SPSB4: variants seen among roughly 807,000 people sequenced by gnomAD.
SPSB4 encodes splA/ryanodine receptor domain and SOCS box containing 4.
A neutral mutation model predicts 20.9 loss-of-function variants in SPSB4; 21 were observed. That is an observed-to-expected ratio of 1.01 (90% CI 0.71 to 1.45). The LOEUF is 1.45. SPSB4 is among the 40% of genes most tolerant of loss of function. The pLI, the probability that SPSB4 is intolerant of heterozygous loss-of-function variation, is 0.00. For missense variants in SPSB4, 399 were observed against 399.2 expected (o/e 1.00, Z 0.00); for synonymous variants, 207 against 183.8 (o/e 1.13, Z -1.02).
At position 141,126,461 on chromosome 3, in the gene SPSB4, G is replaced by A. The variant is rs151079592; in HGVS notation, c.695-20681G>A. Among the ~76,000 whole-genome samples the A allele has an allele frequency of 9.8e-3, 1,488 of 152,182 alleles. 30 individuals are homozygous for A. The highest frequency in any genetic ancestry group is 0.034 in the African/African-American group (1,427 of 41,506). ...CACAGAGATCAAGGCTCCTGGATCC[G>A]AGTCCAGTCCTCTGTTTTTCTCCCA... is the stretch of plus-strand genomic sequence containing the variant. On this transcript the variant is annotated intron_variant, in intron 2 of 2. Transcript: ENST00000310546.
At chr3:141,117,094 C>T (rs1175332791) in intron 2 of SPSB4, 1 of 152,328 alleles carries the variant, frequency 6.6e-6, no homozygotes, top group Non-Finnish European at 1.5e-5. Context: ...GCTCCCTACA[C>T]CAGCCGCCTA....
At chr3:141,083,385 GC>G (rs1938277971) in intron 2 of SPSB4, among the ~76,000 whole-genome samples, 1 of 152,256 alleles carries the variant, frequency 6.6e-6, no homozygotes, top group Admixed American at 6.5e-5. Flanking sequence ...CCTGGATGGT[GC>G]CCCTTATGGT....
intron 2 of SPSB4, among the ~76,000 whole-genome samples, chr3:141,068,102 A>G (rs1325265820): frequency 6.6e-6 from 1 of 152,220 alleles, no homozygotes. Context: ...ATTTTACTCA[A>G]GCAAAATTTA....
At chr3:141,078,452 G>A (rs1488100080) in intron 2 of SPSB4, among the ~76,000 whole-genome samples, 1 of 152,198 alleles carries the variant, frequency 6.6e-6, no homozygotes, top group Non-Finnish European at 1.5e-5. Context: ...GAGCCACAAT[G>A]CTCCAGATTC....
Position 141,088,580 on chromosome 3 carries a change from C to T in SPSB4, c.694+21782C>T, listed in dbSNP as rs113182579. ...CCACTCAGCCGGATGCAGGCAGCAC[C>T]GGGATGTGCAGGGGAGTTAACACCC... On this transcript the variant is annotated intron_variant, in intron 2 of 2. Coordinates refer to ENST00000310546, the MANE Select transcript of SPSB4 (RefSeq NM_080862.3). Among the ~76,000 whole-genome samples the T allele has an allele frequency of 6.7e-4, 102 of 152,280 alleles. 1 individual carries two copies. Among genetic ancestry groups the T allele is most frequent in the Non-Finnish European group, 4.6e-4 (31 of 68,020 alleles).
intron 2 of SPSB4, among the ~76,000 whole-genome samples, chr3:141,082,253 G>T (rs952736650): frequency 2.6e-5 from 4 of 152,232 alleles, no homozygotes; most frequent in Non-Finnish European, 4.4e-5. Context: ...CCAGAGCTGG[G>T]CTTTGCCAGG....
At chr3:141,066,887 G>A in intron 2 of SPSB4, 89 bp downstream of exon 2, 1 of 1,322,738 alleles carries the variant, frequency 7.6e-7, no homozygotes, top group Non-Finnish European at 1.0e-6. Context: ...CGCCACTTGG[G>A]AGGATCCTGC....
chr3:141,139,704 A>C (rs1367042101), intron 2 of SPSB4, among the ~76,000 whole-genome samples: 2 of 152,220 alleles, frequency 1.3e-5, no homozygotes, highest in Non-Finnish European at 2.9e-5. Context: ...CCGAGAGATC[A>C]GCTGTTAGTC....
intron 2 of SPSB4, among the ~76,000 whole-genome samples, chr3:141,075,890 TACAAA>T (rs1238086774): frequency 1.6e-4 from 3 of 18,334 alleles, no homozygotes; most frequent in African/African-American, 7.7e-4. Context: ...CTACTAAAAA[TACAAA>T]AAAAAAAAAA....
chr3:141,135,269 A>T (rs1939207004), intron 2 of SPSB4, among the ~76,000 whole-genome samples: 1 of 151,852 alleles, frequency 6.6e-6, no homozygotes, highest in South Asian at 2.1e-4. Context: ...GTGGCATTGC[A>T]TTGTATTAAT....
chr3:141,092,539 G>A (rs1350249140), intron 2 of SPSB4, among the ~76,000 whole-genome samples: 1 of 152,216 alleles, frequency 6.6e-6, no homozygotes, highest in Non-Finnish European at 1.5e-5. Context: ...TTGAGGCTGG[G>A]ATGGAACTGG....
chr3:141,144,296 A>G (rs1159857309), intron 2 of SPSB4, among the ~76,000 whole-genome samples: 1 of 152,200 alleles, frequency 6.6e-6, no homozygotes, highest in Admixed American at 6.5e-5. Flanking sequence ...GCACTTTTAC[A>G]TATGTTTATT....
intron 2 of SPSB4, among the ~76,000 whole-genome samples, chr3:141,097,796 A>C (rs1034842316): frequency 2.0e-5 from 3 of 152,188 alleles, no homozygotes; most frequent in Non-Finnish European, 4.4e-5. Flanking sequence ...TGGCAGATTG[A>C]TAATATTTAA....
intron 2 of SPSB4, among the ~76,000 whole-genome samples, chr3:141,129,395 G>A (rs1939100104): frequency 6.6e-6 from 1 of 152,196 alleles, no homozygotes; most frequent in Non-Finnish European, 1.5e-5. Context: ...TTTGCTCCTT[G>A]GAGCTTGGGG....
At chr3:141,070,940 G>T (rs1559840661) in intron 2 of SPSB4, among the ~76,000 whole-genome samples, 1 of 152,190 alleles carries the variant, frequency 6.6e-6, no homozygotes, top group South Asian at 2.1e-4. Flanking sequence ...TGCAGCCCAG[G>T]GCCAGGTCCT....
At chr3:141,120,525 A>G (rs1938950833) in intron 2 of SPSB4, among the ~76,000 whole-genome samples, 1 of 145,278 alleles carries the variant, frequency 6.9e-6, no homozygotes, top group African/African-American at 2.9e-5. Flanking sequence ...AAAGTCTCCC[A>G]TTATTATTGT....
chr3:141,066,155 G>A lies in SPSB4; in HGVS notation c.51G>A (p.Pro17=), dbSNP rs1209973091. The A allele has an allele frequency of 1.3e-6, 2 of 1,532,178 alleles. No individual in the cohort carries two copies. The highest frequency in any genetic ancestry group is 8.8e-7 in the Non-Finnish European group (1 of 1,142,020). 94.9% of individuals were successfully genotyped at this position (1,532,178 alleles called of 1,614,324 possible). Residue 17 remains proline (P), a synonymous_variant, in exon 2 of 3, where the codon CCG becomes CCA. Coordinates refer to ENST00000310546, the MANE Select transcript of SPSB4 (RefSeq NM_080862.3). ...TCAAGTCAGTGGAGGTGCGAGAGCC[G>A]GCGCTGCGGCCGGCCAAGCGGGAGC... ...GSLKSVEVRE[P]ALRPAKRELR... is the part of the protein sequence containing the mutation.
intron 2 of SPSB4, among the ~76,000 whole-genome samples, chr3:141,082,204 C>G (rs998983926): frequency 5.3e-5 from 8 of 152,134 alleles, no homozygotes; most frequent in Non-Finnish European, 1.2e-4. Flanking sequence ...CATCGTGAGC[C>G]CCACCACATG....
intron 2 of SPSB4, among the ~76,000 whole-genome samples, chr3:141,091,619 G>T (rs1348490468): frequency 6.6e-6 from 1 of 152,242 alleles, no homozygotes; most frequent in Non-Finnish European, 1.5e-5. Flanking sequence ...GTTGGTGACA[G>T]AGCCAGGGCT....
Sources: allele counts gnomAD v4.1 joint callset (sites outside exome capture counted in the v4.1 genomes callset), GRCh38; gene constraint gnomAD v4.1.1; transcripts MANE v1.5; gene names NCBI Gene and HGNC (gene_info 2026-07-23, HGNC 2026-07-21).